Variants in DGKI observed in about 807,000 individuals in gnomAD.
The protein encoded by DGKI is DAG kinase iota.
In DGKI, 55 loss-of-function variants were observed where a neutral mutation model predicts 147.5. That is an observed-to-expected ratio of 0.37 (90% CI 0.30 to 0.47). DGKI has a LOEUF of 0.47. DGKI is among the 20% of genes least tolerant of loss of function. The probability of loss-of-function intolerance (pLI) is 1.00; values close to 1 mark genes in which losing one functional copy is unlikely to be tolerated. For synonymous variants in DGKI, 469 were observed against 477.1 expected (o/e 0.98, Z 0.22); for missense variants, 1,007 against 1,323.8 (o/e 0.76, Z 3.71).
chr7:137,405,512 T>C (rs1245829455), intron 30 of DGKI, among the ~76,000 whole-genome samples: 1 of 152,186 alleles, frequency 6.6e-6, no homozygotes, highest in African/African-American at 2.4e-5. Flanking sequence ...TAGGACATTG[T>C]TCACTTTAAA....
chr7:137,397,530 T>C, intron 30 of DGKI, 117 bp from the exon 31 acceptor site: 17 of 915,888 alleles, frequency 1.9e-5, no homozygotes, highest in Non-Finnish European at 2.7e-5. Flanking sequence ...GGGATAGGAA[T>C]AATAAGACAG....
chr7:137,442,737 G>A (rs1381864737), intron 28 of DGKI, among the ~76,000 whole-genome samples: 1 of 152,168 alleles, frequency 6.6e-6, no homozygotes, highest in Non-Finnish European at 1.5e-5. Context: ...TGTGGCAGTA[G>A]AAGAGGCCAG....
intron 1 of DGKI, among the ~76,000 whole-genome samples, chr7:137,703,161 G>A (rs910808319): frequency 5.3e-5 from 8 of 152,160 alleles, no homozygotes; most frequent in Non-Finnish European, 1.2e-4. Context: ...GGAAACTTAC[G>A]ATCACGGCGG....
At chr7:137,436,193 A>C (rs935590981) in intron 28 of DGKI, among the ~76,000 whole-genome samples, 2 of 152,226 alleles carry the variant, frequency 1.3e-5, no homozygotes, top group African/African-American at 4.8e-5. Flanking sequence ...CTATTTAAAA[A>C]AATGAATGTT....
intron 6 of DGKI, among the ~76,000 whole-genome samples, chr7:137,630,523 T>G (rs140365099): frequency 1.4e-4 from 21 of 152,322 alleles, no homozygotes; most frequent in African/African-American, 4.6e-4. Flanking sequence ...TGTGTCATGC[T>G]GTATGAAACA....
chr7:137,504,880 G>T (rs1816311547), intron 21 of DGKI, among the ~76,000 whole-genome samples: 1 of 152,070 alleles, frequency 6.6e-6, no homozygotes, highest in Non-Finnish European at 1.5e-5. Context: ...GGTTAAGTCA[G>T]ACTTCGTTAA....
At chr7:137,682,087 AT>A (rs1448490199) in intron 2 of DGKI, among the ~76,000 whole-genome samples, 3 of 152,206 alleles carry the variant, frequency 2.0e-5, no homozygotes, top group African/African-American at 7.2e-5. Context: ...AAATGTGAGT[AT>A]TAACAGCTTT....
intron 22 of DGKI, among the ~76,000 whole-genome samples, chr7:137,486,081 C>T (rs977009741): frequency 6.6e-6 from 1 of 152,212 alleles, no homozygotes; most frequent in African/African-American, 2.4e-5. Flanking sequence ...TGTAGTGATT[C>T]TATTCACAGA....
At chr7:137,801,531 G>A (rs1387502289) in intron 1 of DGKI, among the ~76,000 whole-genome samples, 5 of 152,206 alleles carry the variant, frequency 3.3e-5, no homozygotes, top group African/African-American at 1.2e-4. Context: ...TTAAACATCA[G>A]GTTTCAGTCC....
At chr7:137,626,005 A>C (rs1167460645) in intron 6 of DGKI, among the ~76,000 whole-genome samples, 1 of 152,192 alleles carries the variant, frequency 6.6e-6, no homozygotes, top group Non-Finnish European at 1.5e-5. Flanking sequence ...TGTGTTTCAC[A>C]GTACTTTGCT....
At chr7:137,601,196 A>G (rs538333633) in intron 10 of DGKI, among the ~76,000 whole-genome samples, 1 of 152,138 alleles carries the variant, frequency 6.6e-6, no homozygotes, top group East Asian at 1.9e-4. Context: ...GCATGAACCC[A>G]GGAGGCGGAG....
chr7:137,796,293 T>C (rs929048396), intron 1 of DGKI, among the ~76,000 whole-genome samples: 1 of 151,706 alleles, frequency 6.6e-6, no homozygotes, highest in African/African-American at 2.4e-5. Flanking sequence ...AGGTCAAGAG[T>C]TCAAGACCAG....
At position 137,567,013 on chromosome 7, in the gene DGKI, C is replaced by G. The variant is rs549654122; in HGVS notation, c.1947+4162G>C. On this transcript the variant is annotated intron_variant, in intron 19 of 32. Transcript: ENST00000614521. ...GGCATGGTGGCTCATGCCTGTAACC[C>G]AAGCATTTTGAGAGGCCGAGGCGGG... 8.6e-3 allele frequency among the ~76,000 whole-genome samples: 955 copies of G among 111,628 alleles called. 5 individuals are homozygous for G. The highest frequency in any genetic ancestry group is 0.012 in the Non-Finnish European group (715 of 60,884). 73.2% of individuals were successfully genotyped at this position (111,628 alleles called of 152,430 possible).
intron 7 of DGKI, among the ~76,000 whole-genome samples, chr7:137,621,325 C>T (rs1231220282): frequency 1.3e-5 from 2 of 152,046 alleles, no homozygotes; most frequent in African/African-American, 2.4e-5. Flanking sequence ...ATTTCTAAAA[C>T]ATTAGGGATC....
chr7:137,434,208 A>G (rs573950873), intron 28 of DGKI, among the ~76,000 whole-genome samples: 1 of 152,226 alleles, frequency 6.6e-6, no homozygotes, highest in East Asian at 1.9e-4. Context: ...TTATTTTACA[A>G]TGTGTTAATA....
intron 23 of DGKI, among the ~76,000 whole-genome samples, chr7:137,472,367 TAATTATTATATGTATA>T (rs1814995147): frequency 2.0e-4 from 1 of 5,044 alleles, no homozygotes; most frequent in Non-Finnish European, 1.1e-3. Flanking sequence ...TATATACATA[TAATTATTATATGTATA>T]TATACATATT....
intron 28 of DGKI, among the ~76,000 whole-genome samples, chr7:137,435,939 C>G (rs990828483): frequency 6.6e-6 from 1 of 152,106 alleles, no homozygotes; most frequent in East Asian, 1.9e-4. Context: ...ACCATCATGT[C>G]AGGCTTATTT....
intron 1 of DGKI, among the ~76,000 whole-genome samples, chr7:137,756,344 C>G (rs554304245): frequency 6.6e-6 from 1 of 152,100 alleles, no homozygotes; most frequent in Non-Finnish European, 1.5e-5. Context: ...GCTGCACAGC[C>G]CTTTTCTGAT....
intron 1 of DGKI, among the ~76,000 whole-genome samples, chr7:137,837,603 C>T (rs796291081): frequency 1.7e-4 from 26 of 152,262 alleles, no homozygotes; most frequent in African/African-American, 6.0e-4. Flanking sequence ...GGGATGAGTG[C>T]CCCTCTAGAA....
Sources: gnomAD v4.1 joint callset for allele counts (sites outside exome capture counted in the v4.1 genomes callset) on GRCh38, gnomAD v4.1.1 for gene constraint, MANE v1.5 for transcripts, NCBI Gene and HGNC (gene_info 2026-07-23, HGNC 2026-07-21) for gene names.